BRWD1: variants seen among roughly 807,000 people sequenced by gnomAD.
BRWD1 encodes the protein bromodomain and WD repeat-containing protein 1.
In BRWD1, 82 loss-of-function variants were observed where a neutral mutation model predicts 251.2. That is an observed-to-expected ratio of 0.33 (90% CI 0.27 to 0.39). The LOEUF is 0.39. Among genes scored for constraint, BRWD1 ranks in the 10% least tolerant of loss-of-function variants. The pLI, the probability that BRWD1 is intolerant of heterozygous loss-of-function variation, is 1.00. For missense variants in BRWD1, 2,233 were observed against 2,711.6 expected (o/e 0.82, Z 3.92); for synonymous variants, 918 against 902.8 (o/e 1.02, Z -0.30).
chr21:39,202,500 A>G lies in BRWD1; in HGVS notation c.4410T>C (p.Pro1470=). ...KRLKSQTKII[P]ELVGSPTQST... ...ACTGGGTAGGAGAACCTACCAACTC[A>G]GGAATTATTTTTGTCTGAGATTTTA... Residue 1470 remains proline, a synonymous_variant, in exon 38 of 41, where the codon CCT becomes CCC. Coordinates refer to ENST00000342449, the MANE Select transcript of BRWD1 (RefSeq NM_033656.4). 6.2e-7 allele frequency: 1 copy of G among 1,613,636 alleles called. No homozygotes were observed. The highest frequency in any genetic ancestry group is 8.5e-7 in the Non-Finnish European group (1 of 1,179,562).
chr21:39,268,854 G>A (rs1399810827), intron 15 of BRWD1, among the ~76,000 whole-genome samples: 1 of 152,144 alleles, frequency 6.6e-6, no homozygotes. Context: ...CAGGTTTGGT[G>A]GCGGGTGCCT....
Position 39,215,329 on chromosome 21 carries a change from A to G in BRWD1, c.3693T>C (p.Tyr1231=), listed in dbSNP as rs776813354. 1.9e-6 allele frequency: 3 copies of G among 1,613,466 alleles called. No homozygotes were observed. Among genetic ancestry groups the G allele is most frequent in the African/African-American group, 2.7e-5 (2 of 74,898 alleles). Residue 1231 remains tyrosine (Y), a synonymous_variant, in exon 32 of 41, where the codon TAT becomes TAC. Coordinates refer to ENST00000342449, the MANE Select transcript of BRWD1 (RefSeq NM_033656.4). The part of the protein sequence containing the change: ...RLSALVWEVR[Y]IEHNARTFNE... ...TAAATGTTCTGGCATTATGTTCTAT[A>G]TATCTGACTTCCCAAACTAACGCAG...
chr21:39,216,685 A>G lies in BRWD1; in HGVS notation c.3660-1323T>C, dbSNP rs140315747. 252 of 418,564 alleles carry G rather than the reference A, an allele frequency of 6.0e-4. 1 individual carries two copies. Among genetic ancestry groups the G allele is most frequent in the African/African-American group, 5.0e-3 (237 of 47,494 alleles). The allele number at this position is 418,564 out of a possible 1,614,324, so 25.9% of individuals were successfully genotyped here. ...TTTAAGGAATTTCTTGGGACCTACA[A>G]TAAACTTAGAGAAACCTGCTTTTTG... is the stretch of plus-strand genomic sequence containing the variant. On this transcript the variant is annotated intron_variant, in intron 31 of 40. Transcript: ENST00000342449.
intron 23 of BRWD1, chr21:39,235,751 G>T: frequency 5.5e-6 from 1 of 180,760 alleles, no homozygotes. Context: ...TTCGATCTAT[G>T]ACAGTCACAT....
intron 25 of BRWD1, 113 bp downstream of exon 25, chr21:39,232,064 G>C: frequency 1.0e-6 from 1 of 966,630 alleles, no homozygotes; most frequent in Non-Finnish European, 1.6e-6. Context: ...ATGTTATCAA[G>C]TAGGAAAGAA....
At chr21:39,213,130 T>A (rs1164767038) in intron 33 of BRWD1, among the ~76,000 whole-genome samples, 1 of 152,142 alleles carries the variant, frequency 6.6e-6, no homozygotes, top group Non-Finnish European at 1.5e-5. Context: ...GGTCTCAAAC[T>A]CCTGGCTCAA....
chr21:39,284,624 T>C (rs1303974807), intron 8 of BRWD1, among the ~76,000 whole-genome samples: 1 of 152,238 alleles, frequency 6.6e-6, no homozygotes, highest in Non-Finnish European at 1.5e-5. Flanking sequence ...CCATTCTGAC[T>C]GGGGTGAGGT....
chr21:39,225,737 AT>A (rs930147176), intron 27 of BRWD1, among the ~76,000 whole-genome samples: 2 of 152,226 alleles, frequency 1.3e-5, no homozygotes, highest in South Asian at 2.1e-4. Context: ...TTGAAAAAAA[AT>A]AATGCCATAA....
At position 39,264,961 on chromosome 21, in the gene BRWD1, T is replaced by C. The variant is rs2034873500; in HGVS notation, c.1589A>G (p.His530Arg). 9.9e-6 allele frequency: 16 copies of C among 1,613,880 alleles called. No homozygotes were observed. Among genetic ancestry groups the C allele is most frequent in the Non-Finnish European group, 1.4e-5 (16 of 1,179,830 alleles). The part of the protein sequence containing the change: ...FDCKFSQDGQ[H>R]FACTDSHGHL... Reference sequence around the variant, plus strand: ...CCCATGAGAATCTGTACAGGCAAAATGCTGTCCATCCTGTGAAAACTTACA... The same window carrying C: ...CCCATGAGAATCTGTACAGGCAAAACGCTGTCCATCCTGTGAAAACTTACA... The change falls in exon 16 of 41, where the codon CAT becomes CGT. Residue 530 changes from histidine (H) to arginine (R), a missense_variant. By Grantham distance (29) the His-to-Arg change is conservative. Around this residue, in one of 12 missense-constraint regions of BRWD1, gnomAD observed 315 missense variants for 421.8 expected, o/e 0.75. Coordinates refer to ENST00000342449, the MANE Select transcript of BRWD1 (RefSeq NM_033656.4).
chr21:39,234,936 G>C (rs1024849389), intron 23 of BRWD1, among the ~76,000 whole-genome samples: 1 of 152,132 alleles, frequency 6.6e-6, no homozygotes, highest in Non-Finnish European at 1.5e-5. Context: ...TGGAATTTCA[G>C]AGTAAGTAAA....
At chr21:39,284,741 A>G (rs2035579234) in intron 8 of BRWD1, among the ~76,000 whole-genome samples, 1 of 152,184 alleles carries the variant, frequency 6.6e-6, no homozygotes, top group Admixed American at 6.5e-5. Flanking sequence ...AGAAATGTCT[A>G]CGCAGGTCTT....
chr21:39,271,264 C>A (rs6517533), intron 13 of BRWD1, among the ~76,000 whole-genome samples: 46,143 of 152,020 alleles, frequency 0.3, 7,463 homozygotes, highest in Non-Finnish European at 0.35. Flanking sequence ...TGCACTCCAG[C>A]CTGGGTGACA....
rs766417872 is a variant in BRWD1 at position 39,191,423 on chromosome 21, T to C, written c.*4836A>G. 125 of 985,188 alleles carry C rather than the reference T, an allele frequency of 1.3e-4. 1 individual carries two copies. In the Middle Eastern group the frequency reaches 1.6e-3, roughly 12 times the overall value. The allele number at this position is 985,188 out of a possible 1,614,324, so 61.0% of individuals were successfully genotyped here. A position where few individuals can be genotyped will look rare whatever the true frequency, so the allele number is the denominator to read the frequency against. On this transcript the variant is annotated 3_prime_UTR_variant, in exon 41 of 41. Coordinates refer to ENST00000342449, the MANE Select transcript of BRWD1 (RefSeq NM_033656.4). ...GTTTTGTTTTGTTTTTTAACTCTTT[T>C]GCTTGTTAAGATGAAAATGCTAAAT...
At position 39,194,954 on chromosome 21, in the gene BRWD1, T is replaced by C; in HGVS notation, c.*1305A>G. The C allele has an allele frequency of 2.7e-6, 4 of 1,456,988 alleles. No homozygotes were observed. Among genetic ancestry groups the C allele is most frequent in the Non-Finnish European group, 3.6e-6 (4 of 1,109,416 alleles). The allele number at this position is 1,456,988 out of a possible 1,614,324, so 90.3% of individuals were successfully genotyped here. A position where few individuals can be genotyped will look rare whatever the true frequency, so the allele number is the denominator to read the frequency against. ...TTACCCACTAAATATGTAAACCATT[T>C]GAATCAAGTCCATCTTCAGGCACAA... On this transcript the variant is annotated 3_prime_UTR_variant, in exon 41 of 41. Coordinates refer to ENST00000342449, the MANE Select transcript of BRWD1 (RefSeq NM_033656.4).
chr21:39,286,988 C>T (rs963191081), intron 8 of BRWD1, among the ~76,000 whole-genome samples: 1 of 152,144 alleles, frequency 6.6e-6, no homozygotes. Context: ...TAGTTTGCAA[C>T]ACTTGCTTCC....
chr21:39,271,304 A>C (rs940833267), intron 13 of BRWD1, among the ~76,000 whole-genome samples: 8 of 151,858 alleles, frequency 5.3e-5, no homozygotes, highest in Admixed American at 1.3e-4. Flanking sequence ...AAAAATAAAA[A>C]AGTGATATGC....
chr21:39,216,762 TC>T, intron 31 of BRWD1: 1 of 383,808 alleles, frequency 2.6e-6, no homozygotes, highest in Non-Finnish European at 5.1e-6. Flanking sequence ...GACCACCTGT[TC>T]AGACCATTGC....
At chr21:39,304,977 T>TTTTTTTTA (rs2036240014) in intron 4 of BRWD1, among the ~76,000 whole-genome samples, 1 of 150,296 alleles carries the variant, frequency 6.7e-6, no homozygotes, top group African/African-American at 2.5e-5. Flanking sequence ...TTTTTTTTTT[T>TTTTTTTTA]GAGATGGAGT....
In BRWD1 at chr21:39,313,075, G is replaced by A; in HGVS notation, c.135C>T (p.Tyr45=). The change falls in exon 3 of 41, where the codon TAC becomes TAT. Residue 45 remains tyrosine, a synonymous_variant. Coordinates refer to ENST00000342449, the MANE Select transcript of BRWD1 (RefSeq NM_033656.4). ...GCGGGGACGGGCGCGCACAGACCTG[G>A]TACTGCTCCAGCTCCTGCACCAGCA... The part of the protein sequence containing the change: ...AQVLVQELEQ[Y]QLLPKRLDWE... 2 of 1,484,008 alleles carry A rather than the reference G, an allele frequency of 1.3e-6. No individual in the cohort carries two copies. Among genetic ancestry groups the A allele is most frequent in the South Asian group, 1.3e-5 (1 of 77,804 alleles). The allele number at this position is 1,484,008 out of a possible 1,614,324, so 91.9% of individuals were successfully genotyped here. A position where few individuals can be genotyped will look rare whatever the true frequency, so the allele number is the denominator to read the frequency against.
Sources: allele counts gnomAD v4.1 joint callset (sites outside exome capture counted in the v4.1 genomes callset), GRCh38; gene constraint gnomAD v4.1.1; regional missense constraint gnomAD v4.1.1; transcripts MANE v1.5; gene names NCBI Gene and HGNC (gene_info 2026-07-23, HGNC 2026-07-21).